SF1: variants seen among roughly 807,000 people sequenced by gnomAD.
SF1 encodes splicing factor 1.
SF1 carries 7 observed loss-of-function variants against 62.5 expected under a neutral mutation model. That is an observed-to-expected ratio of 0.11 (90% CI 0.06 to 0.21). The LOEUF is 0.21. SF1 is among the 10% of genes least tolerant of loss of function. The pLI is 1.00. For synonymous variants in SF1, 394 were observed against 323.6 expected (o/e 1.22, Z -2.33); for missense variants, 578 against 884.0 (o/e 0.65, Z 4.39).
At chr11:64,776,892 G>A (rs1312977441) in intron 1 of SF1, among the ~76,000 whole-genome samples, 1 of 152,138 alleles carries the variant, frequency 6.6e-6, no homozygotes, top group African/African-American at 2.4e-5. Context: ...ATATAAACGT[G>A]GTAATCTTAA....
intron 2 of SF1, 24 bp from the exon 3 acceptor site, chr11:64,773,529 GA>G (rs747732188): frequency 1.0e-5 from 16 of 1,582,852 alleles, no homozygotes; most frequent in Admixed American, 7.9e-5. Context: ...GGTTAGGAAA[GA>G]AAAAAAAGGA....
intron 12 of SF1, 68 bp from the exon 13 acceptor site, chr11:64,766,223 T>C: frequency 2.9e-6 from 3 of 1,026,404 alleles, no homozygotes; most frequent in Non-Finnish European, 3.9e-6. Context: ...GGCTGCTGCC[T>C]TGGGATGGGG....
rs1286698807 is a variant in SF1 at position 64,778,188 on chromosome 11, G to A, written c.31+174C>T. The A allele has an allele frequency of 5.9e-6, 6 of 1,011,832 alleles. No individual in the cohort carries two copies. In the East Asian group the frequency reaches 1.2e-4, roughly 21 times the overall value. 62.7% of individuals were successfully genotyped at this position (1,011,832 alleles called of 1,614,324 possible). On this transcript the variant is annotated intron_variant, in intron 1 of 12. Coordinates refer to ENST00000377390, the MANE Select transcript of SF1 (RefSeq NM_004630.4). ...GGGGGCGGCGGCGGAGGCGGCGGAG[G>A]CAGCGCCGCGAAGGGGAAGGCCGCG...
chr11:64,772,913 G>A, intron 3 of SF1: 1 of 986,868 alleles, frequency 1.0e-6, no homozygotes, highest in Non-Finnish European at 1.2e-6. Context: ...AAGTTAACTG[G>A]CAGTGAAAGA....
chr11:64,768,151 G>A lies in SF1; in HGVS notation c.1023C>T (p.Ala341=), dbSNP rs759020809. Residue 341 remains alanine (A), a synonymous_variant, in exon 9 of 13, where the codon GCC becomes GCT. Transcript: ENST00000377390. The part of the protein sequence containing the change: ...STSGPATTPL[A]SAPRPAAPAN... Reference sequence around the variant, plus strand: ...CGGGAGCAGCAGGACGAGGTGCGCTGGCCAGGGGTGTGGTGGCAGGCCCAG... The same window carrying A: ...CGGGAGCAGCAGGACGAGGTGCGCTAGCCAGGGGTGTGGTGGCAGGCCCAG... 2.5e-6 allele frequency: 4 copies of A among 1,613,760 alleles called. No individual in the cohort carries two copies. The South Asian group carries it at 3.3e-5, about 13-fold the overall frequency.
chr11:64,766,547 G>A lies in SF1; in HGVS notation c.1582+353C>T, dbSNP rs147149491. On this transcript the variant is annotated intron_variant, in intron 12 of 12. Coordinates refer to ENST00000377390, the MANE Select transcript of SF1 (RefSeq NM_004630.4). ...TCTGCAGTCTCTCACCCCAATCGCAGCCCTTGCCAGAGCAAGCATGCACCA... is the reference window on the plus strand; with the variant it reads ...TCTGCAGTCTCTCACCCCAATCGCAACCCTTGCCAGAGCAAGCATGCACCA... The A allele has an allele frequency of 1.5e-5, 6 of 413,680 alleles. No individual in the cohort carries two copies. The East Asian group carries it at 2.6e-4, about 18-fold the overall frequency. 25.6% of individuals were successfully genotyped at this position (413,680 alleles called of 1,614,324 possible).
chr11:64,778,017 G>A (rs1939648034), intron 1 of SF1: 3 of 1,005,658 alleles, frequency 3.0e-6, no homozygotes, highest in South Asian at 8.9e-5. Context: ...CCCGGCTGCT[G>A]GTCCTTACGC....
chr11:64,777,876 G>C (rs903623066), intron 1 of SF1: 2 of 931,348 alleles, frequency 2.1e-6, no homozygotes, highest in African/African-American at 3.6e-5. Flanking sequence ...GCCTCCCCGT[G>C]CGCGCACGCG....
chr11:64,770,801 C>G (rs930830803), intron 3 of SF1, among the ~76,000 whole-genome samples: 2 of 152,070 alleles, frequency 1.3e-5, no homozygotes, highest in African/African-American at 4.8e-5. Context: ...CACAGAAACC[C>G]CAAGTTTAGG....
chr11:64,767,465 A>G, intron 10 of SF1, 106 bp downstream of exon 10: 1 of 1,249,418 alleles, frequency 8.0e-7, no homozygotes, highest in East Asian at 2.3e-5. Context: ...AGGCAGACCC[A>G]GCACATTGCC....
rs2058597416 is a variant in SF1, at chr11:64,765,674, G to A, written c.*144C>T. 1.4e-6 allele frequency: 2 copies of A among 1,474,972 alleles called. No individual in the cohort carries two copies. Among genetic ancestry groups the A allele is most frequent in the Non-Finnish European group, 1.8e-6 (2 of 1,117,786 alleles). 91.4% of individuals were successfully genotyped at this position (1,474,972 alleles called of 1,614,324 possible). On this transcript the variant is annotated 3_prime_UTR_variant, in exon 13 of 13. Coordinates refer to ENST00000377390, the MANE Select transcript of SF1 (RefSeq NM_004630.4). ...AGCGAATCCTCAGTCGCTTGGCCCA[G>A]CCCAGTGCGTGCACACACACACATG...
chr11:64,777,254 G>A (rs998536286), intron 1 of SF1, among the ~76,000 whole-genome samples: 1 of 152,080 alleles, frequency 6.6e-6, no homozygotes, highest in Non-Finnish European at 1.5e-5. Context: ...CTATACAATA[G>A]CAGCCAAGTT....
At chr11:64,774,643 G>A (rs1203567354) in intron 2 of SF1, among the ~76,000 whole-genome samples, 1 of 152,228 alleles carries the variant, frequency 6.6e-6, no homozygotes, top group South Asian at 2.1e-4. Flanking sequence ...AAACCCTGAA[G>A]AAATGAAAAC....
At chr11:64,776,038 T>TC (rs1274749040) in intron 2 of SF1, 147 of 15,094 alleles carry the variant, frequency 9.7e-3, no homozygotes, top group African/African-American at 0.017. Context: ...TTGTCATTTT[T>TC]TTTTTTTCAG....
chr11:64,767,581 AG>A lies in SF1; in HGVS notation c.1331del (p.Pro444LeufsTer26). ...CTGACACTTACTTACCCATTGGAGG[AG>A]GGCCATGGTGCCCAGGAGGGTGGGG... ...QGPHPPGHHGPPPMDQYLGST... is the reference protein window; with the variant it reads ...QGPHPPGHHGXPPMDQYLGST... On this transcript the variant is annotated frameshift_variant, in exon 10 of 13. Coordinates refer to ENST00000377390, the MANE Select transcript of SF1 (RefSeq NM_004630.4). LOFTEE classifies it high-confidence loss of function. 1 of 1,556,146 alleles carries A rather than the reference AG, an allele frequency of 6.4e-7. No individual in the cohort carries two copies.
At position 64,767,593 on chromosome 11, in the gene SF1, C is replaced by A; in HGVS notation, c.1320G>T (p.Gly440=). The A allele has an allele frequency of 6.4e-7, 1 of 1,572,668 alleles. No individual in the cohort carries two copies. Among genetic ancestry groups the A allele is most frequent in the East Asian group, 2.3e-5 (1 of 44,354 alleles). The change falls in exon 10 of 13, where the codon GGG becomes GGT. Residue 440 remains glycine, a synonymous_variant. Transcript: ENST00000377390. ...TACCCATTGGAGGAGGGCCATGGTG[C>A]CCAGGAGGGTGGGGGCCCTGGTTCA... is the stretch of plus-strand genomic sequence containing the variant. ...PPMNQGPHPP[G]HHGPPPMDQY...
At chr11:64,777,974 C>G (rs1939637074) in intron 1 of SF1, 2 of 992,896 alleles carry the variant, frequency 2.0e-6, no homozygotes, top group Non-Finnish European at 2.4e-6. Context: ...CGCGCTCTCT[C>G]GGCCCGACTC....
chr11:64,770,587 T>C (rs1386943608), intron 3 of SF1, 179 bp from the exon 4 acceptor site: 1 of 643,130 alleles, frequency 1.6e-6, no homozygotes, highest in Non-Finnish European at 2.6e-6. Context: ...GAAGCTGGCT[T>C]AACGTTAGGG....
Position 64,768,238 on chromosome 11 carries a change from T to C in SF1, c.936A>G (p.Glu312=), listed in dbSNP as rs146633957. Reference sequence around the variant, plus strand: ...CCAGTTCAGCCATGAGGGACAAATATTCTTTATCCATCCGTGCTTTATCCT... The same window carrying C: ...CCAGTTCAGCCATGAGGGACAAATACTCTTTATCCATCCGTGCTTTATCCT... ...SAQDKARMDK[E]YLSLMAELGE... The change falls in exon 9 of 13, where the codon GAA becomes GAG. Residue 312 remains glutamate, a synonymous_variant. Transcript: ENST00000377390. The C allele has an allele frequency of 4.3e-4, 693 of 1,613,780 alleles. 3 individuals carry two copies. In the African/African-American group the frequency reaches 7.8e-3, roughly 18 times the overall value.
Sources: gnomAD v4.1 joint callset for allele counts (sites outside exome capture counted in the v4.1 genomes callset) on GRCh38, gnomAD v4.1.1 for gene constraint, MANE v1.5 for transcripts, NCBI Gene and HGNC (gene_info 2026-07-23, HGNC 2026-07-21) for gene names.